The following SYT7 variants were observed in gnomAD, a reference collection of about 807,000 sequenced individuals.
The protein encoded by SYT7 is synaptotagmin 7.
A neutral mutation model predicts 75.1 loss-of-function variants in SYT7; 29 were observed. The observed-to-expected ratio is 0.39, with a 90% confidence interval of 0.29 to 0.53. The LOEUF (loss-of-function observed/expected upper bound fraction) is 0.53. SYT7 is among the 20% of genes least tolerant of loss of function. The pLI, the probability that SYT7 is intolerant of heterozygous loss-of-function variation, is 0.77. For missense variants in SYT7, 693 were observed against 953.2 expected (o/e 0.73, Z 3.59); for synonymous variants, 376 against 401.7 (o/e 0.94, Z 0.76).
chr11:61,582,106 A>G (rs1207045413), upstream of SYT7, among the ~76,000 whole-genome samples: 2 of 151,894 alleles, frequency 1.3e-5, no homozygotes, highest in Non-Finnish European at 2.9e-5. Flanking sequence ...ACACACACAC[A>G]CAGACATGAT....
At chr11:61,555,090 C>A (rs907084199) in intron 2 of SYT7, among the ~76,000 whole-genome samples, 3 of 152,212 alleles carry the variant, frequency 2.0e-5, no homozygotes, top group Non-Finnish European at 4.4e-5. Flanking sequence ...CATGAAGCCT[C>A]TACCCACCCA....
Position 61,547,201 on chromosome 11 carries a change from T to G in SYT7, c.323A>C (p.Tyr108Ser), listed in dbSNP as rs78060526. ...FILNISPYAP[Y>S]GDPRLSLNGT... ...CTTGAGGGACAGTCGTGGGTCGCCA[T>G]AAGGGGCGTAGGGTGAAATGTTTAG... Residue 108 changes from tyrosine to serine, a missense_variant, in exon 4 of 13, where the codon TAT becomes TCT. Transcript: ENST00000539008. 1 of 1,535,592 alleles carries G rather than the reference T, an allele frequency of 6.5e-7. No homozygotes were observed. Among genetic ancestry groups the G allele is most frequent in the Non-Finnish European group, 8.7e-7 (1 of 1,146,666 alleles).
At chr11:61,584,225 TAA>T (rs1185810889), upstream of SYT7, among the ~76,000 whole-genome samples, 2 of 143,414 alleles carry the variant, frequency 1.4e-5, no homozygotes. Context: ...CCATCTCTAC[TAA>T]AAAAAAAAAA....
chr11:61,578,423 C>T (rs2064144907), intron 1 of SYT7, among the ~76,000 whole-genome samples: 1 of 151,376 alleles, frequency 6.6e-6, no homozygotes, highest in South Asian at 2.1e-4. Context: ...ATGAGAGGAT[C>T]AGGATATAAA....
In SYT7 at chr11:61,542,387, G is replaced by T; in HGVS notation, c.765C>A (p.His255Gln). ...TSQSLGQLQA[H>Q]MASAPGPNPR... ...GGTTGGGGCCTGGTGCCGAGGCCAT[G>T]TGGGCCTGCAGCTGGCCCAGGCTCT... The change falls in exon 6 of 13, where the codon CAC becomes CAA. Residue 255 changes from histidine to glutamine, a missense_variant. His to Gln is a conservative substitution (Grantham distance 24). This residue lies in a region of SYT7 where 487 missense variants were observed against 593.2 expected (regional missense o/e 0.82). Transcript: ENST00000539008. The surrounding 1 kb of genome is among the most constrained non-coding windows in gnomAD (Gnocchi z 7.8). 1 of 1,531,198 alleles carries T rather than the reference G, an allele frequency of 6.5e-7. No homozygotes were observed. The highest frequency in any genetic ancestry group is 8.7e-7 in the Non-Finnish European group (1 of 1,144,794). The allele number at this position is 1,531,198 out of a possible 1,614,324, so 94.9% of individuals were successfully genotyped here.
intron 1 of SYT7, among the ~76,000 whole-genome samples, chr11:61,577,156 G>T (rs1489331028): frequency 6.6e-6 from 1 of 152,202 alleles, no homozygotes; most frequent in Admixed American, 6.5e-5. Flanking sequence ...CCTGGAGGGG[G>T]CCTGTCTCCA....
At chr11:61,582,590 G>A (rs887564543), upstream of SYT7, among the ~76,000 whole-genome samples, 1 of 152,156 alleles carries the variant, frequency 6.6e-6, no homozygotes, top group Non-Finnish European at 1.5e-5. Flanking sequence ...AGTTCCCCCA[G>A]CAAACCTCCA....
intron 1 of SYT7, among the ~76,000 whole-genome samples, chr11:61,566,894 C>G (rs1042076379): frequency 3.3e-5 from 5 of 152,210 alleles, no homozygotes; most frequent in Non-Finnish European, 7.3e-5. Flanking sequence ...TTTATCTCCC[C>G]GAGTCATAGG....
chr11:61,573,063 G>A (rs1449212347), intron 1 of SYT7, among the ~76,000 whole-genome samples: 3 of 150,180 alleles, frequency 2.0e-5, no homozygotes, highest in Admixed American at 1.3e-4. Context: ...AGTGGCCGTG[G>A]GCATGGAGAG....
rs1220216642 is a variant in SYT7, at chr11:61,546,487, A to G, written c.348-232T>C. On this transcript the variant is annotated intron_variant, in intron 4 of 12. Coordinates refer to ENST00000539008, the MANE Select transcript of SYT7 (RefSeq NM_001365809.2). This position sits in a 1 kb window ranked among gnomAD's most constrained non-coding sequence, Gnocchi z 7.6. ...CAAATGGGTTAACAGCGGAGCCTGCAGAGGAGAGAGGGGGACCGGGCGGGC... is the reference window on the plus strand; with the variant it reads ...CAAATGGGTTAACAGCGGAGCCTGCGGAGGAGAGAGGGGGACCGGGCGGGC... 2 of 455,082 alleles carry G rather than the reference A, an allele frequency of 4.4e-6. No homozygotes were observed. Among genetic ancestry groups the G allele is most frequent in the Non-Finnish European group, 8.2e-6 (2 of 245,136 alleles). 28.2% of individuals were successfully genotyped at this position (455,082 alleles called of 1,614,324 possible).
chr11:61,518,857 G>A (rs1356822823), intron 12 of SYT7, 126 bp from the exon 13 acceptor site: 2 of 560,706 alleles, frequency 3.6e-6, no homozygotes, highest in Non-Finnish European at 5.8e-6. Flanking sequence ...TCCACATGCT[G>A]TGACAACCTA....
Position 61,556,157 on chromosome 11 carries a change from G to A in SYT7, c.82C>T (p.Leu28Phe), listed in dbSNP as rs527734585. The change falls in exon 2 of 13, where the codon CTT (leucine) becomes TTT (phenylalanine). Residue 28 changes from leucine to phenylalanine, a missense_variant. Coordinates refer to ENST00000539008, the MANE Select transcript of SYT7 (RefSeq NM_001365809.2). Reference protein sequence around the residue: ...LLVSAIITVSLSVTVVLCGLC... With the variant: ...LLVSAIITVSFSVTVVLCGLC... ...CCGCAGAGGACGACAGTGACGCTAA[G>A]GCTGACGGTGATGATGGCAGAGACC... The A allele has an allele frequency of 6.2e-7, 1 of 1,614,036 alleles. No individual in the cohort carries two copies. The highest frequency in any genetic ancestry group is 2.2e-5 in the East Asian group (1 of 44,864).
At position 61,517,823 on chromosome 11, in the gene SYT7, G is replaced by C. The variant is rs1015855241; in HGVS notation, c.*804C>G. 2.8e-6 allele frequency: 1 copy of C among 355,264 alleles called. No individual in the cohort carries two copies. The highest frequency in any genetic ancestry group is 2.1e-5 in the African/African-American group (1 of 46,602). The allele number at this position is 355,264 out of a possible 1,614,324, so 22.0% of individuals were successfully genotyped here. ...GGAACTACTTCAGATTCTGAGCAGA[G>C]GGGGGCACCAAGGGGAGAAGGGGAG... is the stretch of plus-strand genomic sequence containing the variant. On this transcript the variant is annotated 3_prime_UTR_variant, in exon 13 of 13. Transcript: ENST00000539008.
chr11:61,528,557 C>A (rs2135112230), intron 8 of SYT7, among the ~76,000 whole-genome samples: 1 of 152,250 alleles, frequency 6.6e-6, no homozygotes, highest in East Asian at 1.9e-4. Context: ...GACCTCCCTG[C>A]CTTCTTGTGA....
At chr11:61,575,849 A>T (rs1754877587) in intron 1 of SYT7, among the ~76,000 whole-genome samples, 1 of 152,138 alleles carries the variant, frequency 6.6e-6, no homozygotes, top group African/African-American at 2.4e-5. Flanking sequence ...CCGCACACAC[A>T]CTAGGTACAC....
intron 1 of SYT7, among the ~76,000 whole-genome samples, chr11:61,574,759 G>A (rs1286657139): frequency 6.6e-6 from 1 of 152,092 alleles, no homozygotes; most frequent in African/African-American, 2.4e-5. Context: ...CAGAGCGGGA[G>A]AGAGCCTGCT....
chr11:61,580,993 CCCT>C lies in SYT7; in HGVS notation c.-176_-174del. Reference sequence around the variant, plus strand: ...CCGGGGAGCGGGGGCCGCCCGCCAGCCCTCCCGCCCGCCCGCGGAGCACGCTGC... The same window carrying C: ...CCGGGGAGCGGGGGCCGCCCGCCAGCCCCGCCCGCCCGCGGAGCACGCTGC... On this transcript the variant is annotated 5_prime_UTR_variant, in exon 1 of 13. Coordinates refer to ENST00000539008, the MANE Select transcript of SYT7 (RefSeq NM_001365809.2). This position sits in a 1 kb window ranked among gnomAD's most constrained non-coding sequence, Gnocchi z 6.1. 1 of 844,174 alleles carries C rather than the reference CCCT, an allele frequency of 1.2e-6. No individual in the cohort carries two copies. Among genetic ancestry groups the C allele is most frequent in the Non-Finnish European group, 1.4e-6 (1 of 703,828 alleles). The allele number at this position is 844,174 out of a possible 1,614,324, so 52.3% of individuals were successfully genotyped here. A position where few individuals can be genotyped will look rare whatever the true frequency, so the allele number is the denominator to read the frequency against.
intron 3 of SYT7, 140 bp from the exon 4 acceptor site, chr11:61,547,448 G>A: frequency 2.1e-6 from 2 of 960,012 alleles, no homozygotes; most frequent in Non-Finnish European, 3.0e-6. Context: ...GCTCCTGCGG[G>A]AGGAAGAAAG....
rs1306481388 is a variant in SYT7, at chr11:61,529,425, G to A, written c.1201-1240C>T. ...ATCCTGACAATAGCCAGGCGAGGCA[G>A]GTGTCACCACCCTCTAGCTGAAGAG... On this transcript the variant is annotated intron_variant, in intron 8 of 12. Coordinates refer to ENST00000539008, the MANE Select transcript of SYT7 (RefSeq NM_001365809.2). Among the ~76,000 whole-genome samples the A allele has an allele frequency of 5.3e-5, 8 of 152,312 alleles. No individual in the cohort carries two copies. The East Asian group carries it at 1.5e-3, about 29-fold the overall frequency.
Sources: gnomAD v4.1 joint callset for allele counts (sites outside exome capture counted in the v4.1 genomes callset) on GRCh38, gnomAD v4.1.1 for gene constraint, gnomAD v4.1.1 regional missense constraint, Gnocchi (gnomAD v3.1) non-coding constraint, MANE v1.5 for transcripts, NCBI Gene and HGNC (gene_info 2026-07-23, HGNC 2026-07-21) for gene names.